Variants in CNTNAP2 observed in about 807,000 individuals in gnomAD.
CNTNAP2 encodes contactin-associated protein-like 2.
Under a neutral mutation model 155.2 loss-of-function variants are expected in CNTNAP2, and 98 were observed. The ratio of observed to expected loss-of-function variants is 0.63; its 90% confidence interval spans 0.54 to 0.75. The LOEUF is 0.75. Ranked by LOEUF, CNTNAP2 falls within the 30% of genes least tolerant of loss-of-function variation. The probability of loss-of-function intolerance (pLI) is 0.00; values close to 1 mark genes in which losing one functional copy is unlikely to be tolerated. For missense variants in CNTNAP2, 1,727 were observed against 1,688.1 expected (o/e 1.02, Z -0.40); for synonymous variants, 651 against 631.2 (o/e 1.03, Z -0.47).
rs576099536 is a variant in CNTNAP2 at position 146,263,334 on chromosome 7, A to G, written c.97+146361A>G. Among the ~76,000 whole-genome samples, 3 of 151,960 alleles carry G rather than the reference A, an allele frequency of 2.0e-5. No homozygotes were observed. The East Asian group carries it at 5.8e-4, about 29-fold the overall frequency. ...GGAAATAAAAAGCCTCATGTTTAAAATGATTCTTCGCTCTCTTCTGACTTG... is the reference window on the plus strand; with the variant it reads ...GGAAATAAAAAGCCTCATGTTTAAAGTGATTCTTCGCTCTCTTCTGACTTG... On this transcript the variant is annotated intron_variant, in intron 1 of 23. Coordinates refer to ENST00000361727, the MANE Select transcript of CNTNAP2 (RefSeq NM_014141.6).
intron 3 of CNTNAP2, among the ~76,000 whole-genome samples, chr7:146,969,155 A>T (rs1046186196): frequency 1.3e-5 from 2 of 151,718 alleles, no homozygotes; most frequent in African/African-American, 4.9e-5. Flanking sequence ...TTCTAGTTTG[A>T]TTGCACTGTG....
intron 13 of CNTNAP2, among the ~76,000 whole-genome samples, chr7:147,699,681 G>A (rs1285051992): frequency 6.6e-6 from 1 of 152,014 alleles, no homozygotes; most frequent in Admixed American, 6.6e-5. Context: ...ATTTTGTATT[G>A]ATGTGAAAGT....
intron 1 of CNTNAP2, among the ~76,000 whole-genome samples, chr7:146,159,907 A>G (rs1423604725): frequency 1.3e-5 from 2 of 152,172 alleles, no homozygotes; most frequent in Non-Finnish European, 2.9e-5. Context: ...ACATCTACAG[A>G]ACTCTCCACC....
intron 1 of CNTNAP2, among the ~76,000 whole-genome samples, chr7:146,341,598 T>C (rs930910742): frequency 1.3e-5 from 2 of 152,136 alleles, no homozygotes; most frequent in Non-Finnish European, 2.9e-5. Flanking sequence ...TAATAATGCT[T>C]ACTTATTGCT....
chr7:147,263,149 C>A (rs1804529910), intron 8 of CNTNAP2, among the ~76,000 whole-genome samples: 3 of 152,050 alleles, frequency 2.0e-5, no homozygotes, highest in Non-Finnish European at 4.4e-5. Flanking sequence ...GAGTTTAAGA[C>A]CAGCCTGGGC....
intron 1 of CNTNAP2, among the ~76,000 whole-genome samples, chr7:146,707,561 G>T (rs966348583): frequency 5.3e-5 from 8 of 151,732 alleles, no homozygotes; most frequent in African/African-American, 1.9e-4. Flanking sequence ...TCCAGGCCTG[G>T]GCTGCACTCC....
chr7:146,543,162 G>T lies in CNTNAP2; in HGVS notation c.98-231109G>T, dbSNP rs541561228. Among the ~76,000 whole-genome samples the T allele has an allele frequency of 2.6e-5, 4 of 151,784 alleles. No individual in the cohort carries two copies. In the South Asian group the frequency reaches 8.3e-4, roughly 32 times the overall value. On this transcript the variant is annotated intron_variant, in intron 1 of 23. Transcript: ENST00000361727. ...CATATACATATATAAACATCATATT[G>T]CACTTAATAAATTTTTTTTATTTAA...
intron 3 of CNTNAP2, among the ~76,000 whole-genome samples, chr7:146,933,134 A>T (rs1267789060): frequency 6.6e-6 from 1 of 152,014 alleles, no homozygotes; most frequent in African/African-American, 2.4e-5. Flanking sequence ...CGCCAAGTCA[A>T]TCCTAAGCCA....
At chr7:146,173,375 T>C (rs1280108273) in intron 1 of CNTNAP2, among the ~76,000 whole-genome samples, 1 of 152,202 alleles carries the variant, frequency 6.6e-6, no homozygotes, top group Non-Finnish European at 1.5e-5. Context: ...AATTTTCCAG[T>C]TTGTTTGCTG....
intron 20 of CNTNAP2, among the ~76,000 whole-genome samples, chr7:148,235,769 T>C (rs1031229341): frequency 3.4e-5 from 5 of 146,640 alleles, no homozygotes; most frequent in African/African-American, 1.2e-4. Context: ...CATTGCAACT[T>C]CCACCTCCCG....
At chr7:146,206,438 A>G (rs997047080) in intron 1 of CNTNAP2, among the ~76,000 whole-genome samples, 12 of 151,924 alleles carry the variant, frequency 7.9e-5, no homozygotes, top group African/African-American at 2.9e-4. Flanking sequence ...CTGTTAGGAC[A>G]CAGTATTTCT....
rs373769166 is a variant in CNTNAP2, at chr7:147,006,577, A to G, written c.403-37330A>G. On this transcript the variant is annotated intron_variant, in intron 3 of 23. Coordinates refer to ENST00000361727, the MANE Select transcript of CNTNAP2 (RefSeq NM_014141.6). ...GAATTAAATAGATGACATAAAATGC[A>G]TATTCAGAAAAAAAGAAGATTCCTC... Among the ~76,000 whole-genome samples, 453 of 152,196 alleles carry G rather than the reference A, an allele frequency of 3.0e-3. 32 individuals carry two copies. The South Asian group carries it at 0.09, about 30-fold the overall frequency.
At chr7:146,201,639 A>AGTGTGTGT (rs57595774) in intron 1 of CNTNAP2, among the ~76,000 whole-genome samples, 7 of 146,886 alleles carry the variant, frequency 4.8e-5, no homozygotes, top group African/African-American at 1.5e-4. Flanking sequence ...ATGTCCCACG[A>AGTGTGTGT]GTGTGTGTGT....
At chr7:146,187,424 G>A (rs1798640062) in intron 1 of CNTNAP2, among the ~76,000 whole-genome samples, 1 of 152,122 alleles carries the variant, frequency 6.6e-6, no homozygotes, top group South Asian at 2.1e-4. Flanking sequence ...GGGCCACAAA[G>A]TAGCCAAGGA....
chr7:147,527,275 G>A (rs546912187), intron 11 of CNTNAP2, among the ~76,000 whole-genome samples: 9 of 151,884 alleles, frequency 5.9e-5, no homozygotes, highest in South Asian at 4.2e-4. Flanking sequence ...CGCCCACCTC[G>A]GCCTCCCACA....
chr7:148,175,954 C>T (rs938277138), intron 18 of CNTNAP2, among the ~76,000 whole-genome samples: 1 of 152,086 alleles, frequency 6.6e-6, no homozygotes, highest in Non-Finnish European at 1.5e-5. Context: ...TCTGTCTCTC[C>T]ATATTCCATA....
At chr7:146,348,869 A>G (rs1318068395) in intron 1 of CNTNAP2, among the ~76,000 whole-genome samples, 2 of 149,550 alleles carry the variant, frequency 1.3e-5, no homozygotes, top group African/African-American at 2.4e-5. Flanking sequence ...TAACTATTGT[A>G]TATAGTGCAT....
intron 8 of CNTNAP2, among the ~76,000 whole-genome samples, chr7:147,274,695 A>G (rs905346547): frequency 6.6e-6 from 1 of 151,658 alleles, no homozygotes; most frequent in Non-Finnish European, 1.5e-5. Flanking sequence ...TTATTTGTCT[A>G]TTTTTGGGTT....
At chr7:146,645,534 C>T (rs1799797011) in intron 1 of CNTNAP2, among the ~76,000 whole-genome samples, 2 of 152,052 alleles carry the variant, frequency 1.3e-5, no homozygotes, top group African/African-American at 4.8e-5. Context: ...GGGTATGAAA[C>T]AACAAAAACT....
Sources: allele counts gnomAD v4.1 joint callset (sites outside exome capture counted in the v4.1 genomes callset), GRCh38; gene constraint gnomAD v4.1.1; transcripts MANE v1.5; gene names NCBI Gene and HGNC (gene_info 2026-07-23, HGNC 2026-07-21).